The following TNFRSF11A variants were observed in gnomAD, a reference collection of about 807,000 sequenced individuals.
TNFRSF11A encodes tumor necrosis factor receptor superfamily member 11A.
In TNFRSF11A, 32 loss-of-function variants were observed where a neutral mutation model predicts 55.7. The observed-to-expected ratio is 0.57, with a 90% CI of 0.43 to 0.77. The LOEUF (loss-of-function observed/expected upper bound fraction) is 0.77, where lower values mean the gene tolerates loss of function less well. Among genes scored for constraint, TNFRSF11A ranks in the 30% least tolerant of loss-of-function variants. The pLI is 0.00. For missense variants in TNFRSF11A, 753 were observed against 809.8 expected, an observed-to-expected ratio of 0.93 and a Z score of 0.85; for synonymous variants, 311 against 331.0, an observed-to-expected ratio of 0.94 and a Z score of 0.65.
chr18:62,367,336 C>G (rs1910163253), intron 8 of TNFRSF11A: 2 of 161,740 alleles, frequency 1.2e-5, no homozygotes. Flanking sequence ...TCTTGATTGT[C>G]TGGTACAGAT....
chr18:62,356,722 C>G (rs1178672565), intron 4 of TNFRSF11A, among the ~76,000 whole-genome samples: 1 of 152,168 alleles, frequency 6.6e-6, no homozygotes, highest in Non-Finnish European at 1.5e-5. Context: ...TCTGCCATCC[C>G]CAATGTCCAC....
At chr18:62,357,223 C>T (rs1909323896) in intron 4 of TNFRSF11A, among the ~76,000 whole-genome samples, 1 of 152,182 alleles carries the variant, frequency 6.6e-6, no homozygotes. Flanking sequence ...AGAAGTGCTA[C>T]TAATTTCAGG....
intron 9 of TNFRSF11A, among the ~76,000 whole-genome samples, chr18:62,377,563 AG>A (rs924493552): frequency 7.2e-5 from 11 of 152,118 alleles, no homozygotes; most frequent in African/African-American, 2.7e-4. Context: ...TGGTGTTGTC[AG>A]TGTTCTGGAT....
intron 1 of TNFRSF11A, among the ~76,000 whole-genome samples, chr18:62,327,041 C>G (rs4470247): frequency 4.7e-5 from 4 of 85,832 alleles, no homozygotes; most frequent in African/African-American, 1.7e-4. Context: ...GATTTTGGGG[C>G]GGGTTTGGGG....
rs999550672 is a variant in TNFRSF11A at position 62,380,318 on chromosome 18, A to T, written c.1568-4433A>T. Among the ~76,000 whole-genome samples, 41 of 152,214 alleles carry T rather than the reference A, an allele frequency of 2.7e-4. 1 individual carries two copies. The highest frequency in any genetic ancestry group is 5.6e-4 in the Non-Finnish European group (38 of 68,044). On this transcript the variant is annotated intron_variant, in intron 9 of 9. Coordinates refer to ENST00000586569, the MANE Select transcript of TNFRSF11A (RefSeq NM_003839.4). ...TCACCATGCATGGATAGACTTGACC[A>T]ATGGTTGTTTTTGTCATTAATTTTA...
Position 62,354,414 on chromosome 18 carries a change from G to A in TNFRSF11A, c.307G>A (p.Ala103Thr), listed in dbSNP as rs1172367974. 1.9e-6 allele frequency: 3 copies of A among 1,587,896 alleles called. No individual in the cohort carries two copies. Among genetic ancestry groups the A allele is most frequent in the Non-Finnish European group, 2.6e-6 (3 of 1,172,832 alleles). The change falls in exon 4 of 10, where the codon GCC becomes ACC. Residue 103 changes from alanine to threonine, a missense_variant. Physicochemically the swap from Ala to Thr is moderately conservative, Grantham distance 58. This residue lies in a region of TNFRSF11A where 156 missense variants were observed against 155.1 expected (regional missense o/e 1.01). Transcript: ENST00000586569. ...AGGCAAGGCCCTGGTGGCCGTGGTC[G>A]CCGGCAACAGCACGACCCCCCGGCG... ...DTGKALVAVV[A>T]GNSTTPRRCA... is the part of the protein sequence containing the mutation.
intron 1 of TNFRSF11A, among the ~76,000 whole-genome samples, chr18:62,331,496 C>A (rs183679655): frequency 9.2e-5 from 14 of 152,256 alleles, no homozygotes; most frequent in Non-Finnish European, 1.9e-4. Flanking sequence ...GTAAAAGCCC[C>A]GTGGCATTGT....
chr18:62,372,608 C>A (rs978919453), intron 9 of TNFRSF11A, among the ~76,000 whole-genome samples: 1 of 151,914 alleles, frequency 6.6e-6, no homozygotes, highest in Non-Finnish European at 1.5e-5. Flanking sequence ...TATGACTGAT[C>A]TCGTCATCCA....
chr18:62,364,671 A>G (rs8089829), intron 7 of TNFRSF11A, among the ~76,000 whole-genome samples: 68,343 of 151,982 alleles, frequency 0.45, 15,655 homozygotes, highest in Middle Eastern at 0.55. Context: ...ACCTTGATAT[A>G]TAATTGCAAA....
intron 9 of TNFRSF11A, among the ~76,000 whole-genome samples, chr18:62,378,310 G>T (rs1036704873): frequency 6.6e-6 from 1 of 152,210 alleles, no homozygotes; most frequent in African/African-American, 2.4e-5. Flanking sequence ...CAGCAGACTT[G>T]CGTGATGAGA....
intron 9 of TNFRSF11A, among the ~76,000 whole-genome samples, chr18:62,379,322 G>A (rs1911108580): frequency 3.9e-5 from 6 of 152,220 alleles, no homozygotes; most frequent in Admixed American, 1.3e-4. Context: ...ACAACTCTTG[G>A]GTCACTCTGG....
intron 7 of TNFRSF11A, among the ~76,000 whole-genome samples, chr18:62,364,154 A>G (rs1247427313): frequency 1.3e-5 from 2 of 152,206 alleles, no homozygotes; most frequent in Non-Finnish European, 1.5e-5. Flanking sequence ...CTCCCAGAGG[A>G]GGAAATGGGT....
At chr18:62,335,267 T>A (rs972424255) in intron 1 of TNFRSF11A, among the ~76,000 whole-genome samples, 2 of 146,708 alleles carry the variant, frequency 1.4e-5, no homozygotes, top group Non-Finnish European at 3.1e-5. Flanking sequence ...AACACCACAT[T>A]TGGCTAATTT....
intron 1 of TNFRSF11A, among the ~76,000 whole-genome samples, chr18:62,331,400 G>A (rs751402019): frequency 1.4e-4 from 21 of 152,148 alleles, no homozygotes; most frequent in Admixed American, 4.6e-4. Context: ...GAAGGATTAC[G>A]TTTAGGCTCT....
At chr18:62,348,129 C>T (rs1406959472) in intron 1 of TNFRSF11A, 39 bp from the exon 2 acceptor site, 12 of 1,433,396 alleles carry the variant, frequency 8.4e-6, no homozygotes, top group Non-Finnish European at 1.1e-5. Context: ...CCAGAAAGAG[C>T]TGTGTGGACT....
chr18:62,364,651 G>T (rs565357346), intron 7 of TNFRSF11A, among the ~76,000 whole-genome samples: 1 of 152,124 alleles, frequency 6.6e-6, no homozygotes, highest in South Asian at 2.1e-4. Context: ...GGGTAGGGAG[G>T]GCGTGGTTTA....
chr18:62,369,113 CA>C lies in TNFRSF11A; in HGVS notation c.1197del (p.Glu400LysfsTer126). The C allele has an allele frequency of 6.2e-7, 1 of 1,614,048 alleles. No homozygotes were observed. Among genetic ancestry groups the C allele is most frequent in the East Asian group, 2.2e-5 (1 of 44,890 alleles). On this transcript the variant is annotated frameshift_variant, in exon 9 of 10. Coordinates refer to ENST00000586569, the MANE Select transcript of TNFRSF11A (RefSeq NM_003839.4). LOFTEE classifies it high-confidence loss of function. ...CFTGTQSTVGSESCNCTEPLC... is the reference protein window; with the variant it reads ...CFTGTQSTVGXESCNCTEPLC... ...ACGGGGACACAGAGCACAGTGGGTT[CA>C]GAAAGCTGCAACTGCACTGAGCCCC...
intron 8 of TNFRSF11A, 57 bp from the exon 9 acceptor site, chr18:62,368,644 A>G: frequency 1.3e-6 from 2 of 1,581,786 alleles, no homozygotes; most frequent in Non-Finnish European, 1.7e-6. Context: ...GTTTAGCTAA[A>G]CTTGTCCTAA....
At chr18:62,329,978 G>C (rs1263707440) in intron 1 of TNFRSF11A, among the ~76,000 whole-genome samples, 1 of 152,208 alleles carries the variant, frequency 6.6e-6, no homozygotes, top group Non-Finnish European at 1.5e-5. Flanking sequence ...TTTGTTTTGT[G>C]AGCCACCGTC....
Sources: gnomAD v4.1 joint callset for allele counts (sites outside exome capture counted in the v4.1 genomes callset) on GRCh38, gnomAD v4.1.1 for gene constraint, gnomAD v4.1.1 regional missense constraint, MANE v1.5 for transcripts, NCBI Gene and HGNC (gene_info 2026-07-23, HGNC 2026-07-21) for gene names.